Variants in ELMO1 observed in about 807,000 individuals in gnomAD.
ELMO1 encodes the protein engulfment and cell motility 1.
Under a neutral mutation model 98.9 loss-of-function variants are expected in ELMO1, and 26 were observed. That is an observed-to-expected ratio of 0.26 (90% CI 0.19 to 0.36). The LOEUF (loss-of-function observed/expected upper bound fraction) is 0.36. ELMO1 is among the 10% of genes least tolerant of loss of function. The pLI, the probability that ELMO1 is intolerant of heterozygous loss-of-function variation, is 1.00. For synonymous variants in ELMO1, 346 were observed against 346.0 expected (o/e 1.00, Z 0.00); for missense variants, 627 against 935.2 (o/e 0.67, Z 4.30).
chr7:37,417,600 C>T (rs991676191), intron 1 of ELMO1, among the ~76,000 whole-genome samples: 1 of 150,132 alleles, frequency 6.7e-6, no homozygotes, highest in African/African-American at 2.5e-5. Flanking sequence ...GGAGGCGGAG[C>T]TTGCAATGAG....
At chr7:37,409,576 G>A (rs1033218025) in intron 1 of ELMO1, among the ~76,000 whole-genome samples, 1 of 152,194 alleles carries the variant, frequency 6.6e-6, no homozygotes, top group South Asian at 2.1e-4. Flanking sequence ...GAAAGTTGAG[G>A]CTAATTGTTA....
chr7:37,078,839 A>G (rs1797716986), intron 15 of ELMO1, among the ~76,000 whole-genome samples: 1 of 152,182 alleles, frequency 6.6e-6, no homozygotes, highest in African/African-American at 2.4e-5. Flanking sequence ...TATTTTTGTT[A>G]TCGTGGATAG....
chr7:36,947,678 C>T (rs1055636844), intron 16 of ELMO1, among the ~76,000 whole-genome samples: 20 of 152,178 alleles, frequency 1.3e-4, no homozygotes, highest in Non-Finnish European at 1.3e-4. Context: ...CTGAACTCCA[C>T]AGCAATTTAT....
At chr7:37,048,005 A>T (rs1377407533) in intron 15 of ELMO1, among the ~76,000 whole-genome samples, 2 of 152,224 alleles carry the variant, frequency 1.3e-5, no homozygotes, top group Non-Finnish European at 2.9e-5. Flanking sequence ...CACTCTTATC[A>T]TAAATCATTG....
chr7:37,440,797 G>T (rs60536561), intron 1 of ELMO1, among the ~76,000 whole-genome samples: 4 of 151,380 alleles, frequency 2.6e-5, no homozygotes, highest in South Asian at 2.1e-4. Context: ...AGGAAACTGT[G>T]GGGTGGGGAG....
intron 6 of ELMO1, among the ~76,000 whole-genome samples, chr7:37,256,445 T>C (rs1795645944): frequency 6.7e-6 from 1 of 149,846 alleles, no homozygotes; most frequent in Non-Finnish European, 1.5e-5. Flanking sequence ...AGAAAAAAAA[T>C]GTTTTCACTA....
At chr7:36,953,541 GTT>G (rs1188402474) in intron 16 of ELMO1, among the ~76,000 whole-genome samples, 1 of 152,028 alleles carries the variant, frequency 6.6e-6, no homozygotes, top group East Asian at 1.9e-4. Context: ...CCTTTTAAAG[GTT>G]TTTCTAAGCA....
chr7:37,233,365 C>T (rs533900872), intron 7 of ELMO1, among the ~76,000 whole-genome samples, 171 bp from the exon 8 acceptor site: 2 of 151,242 alleles, frequency 1.3e-5, no homozygotes, highest in Admixed American at 6.6e-5. Context: ...AGGGGCAGGA[C>T]GGCCTTGATG....
chr7:37,160,000 G>A lies in ELMO1; in HGVS notation c.1087-26766C>T, dbSNP rs368830289. On this transcript the variant is annotated intron_variant, in intron 13 of 21. Transcript: ENST00000310758. ...ACAATCCACATTTTATTAATTAAAA[G>A]CACAATGAAACTAGTATCTGACTAT... 2.6e-5 allele frequency among the ~76,000 whole-genome samples: 4 copies of A among 152,020 alleles called. No homozygotes were observed. The South Asian group carries it at 6.2e-4, about 24-fold the overall frequency.
Position 37,400,761 on chromosome 7 carries a change from G to A in ELMO1, c.-74+47914C>T, listed in dbSNP as rs543373314. Among the ~76,000 whole-genome samples the A allele has an allele frequency of 2.6e-4, 40 of 152,180 alleles. 1 individual carries two copies. The South Asian group carries it at 7.9e-3, about 30-fold the overall frequency. On this transcript the variant is annotated intron_variant, in intron 1 of 21. Coordinates refer to ENST00000310758, the MANE Select transcript of ELMO1 (RefSeq NM_014800.11). ...CTGATGGCCATCTTCTTATCTCCCCGCTCCAGACCATCAACTTGACAAGGA... is the reference window on the plus strand; with the variant it reads ...CTGATGGCCATCTTCTTATCTCCCCACTCCAGACCATCAACTTGACAAGGA...
intron 7 of ELMO1, among the ~76,000 whole-genome samples, chr7:37,239,553 A>G (rs940941748): frequency 6.6e-6 from 1 of 152,222 alleles, no homozygotes. Context: ...TCCTCTGTGA[A>G]GCAGATGCTG....
intron 7 of ELMO1, among the ~76,000 whole-genome samples, chr7:37,239,170 AT>A (rs199908716): frequency 9.4e-5 from 14 of 148,948 alleles, no homozygotes; most frequent in African/African-American, 2.2e-4. Context: ...AATGATTTCA[AT>A]TTTTTTTTTT....
chr7:37,165,145 A>G (rs1199642661), intron 13 of ELMO1, among the ~76,000 whole-genome samples: 9 of 150,316 alleles, frequency 6.0e-5, no homozygotes, highest in Non-Finnish European at 1.2e-4. Context: ...TTCGTCTGTT[A>G]TTGGTATACA....
At chr7:37,056,813 TG>T (rs1422860159) in intron 15 of ELMO1, among the ~76,000 whole-genome samples, 1 of 152,156 alleles carries the variant, frequency 6.6e-6, no homozygotes, top group African/African-American at 2.4e-5. Flanking sequence ...GGGGATTTGG[TG>T]GTCAGAGTCC....
intron 4 of ELMO1, among the ~76,000 whole-genome samples, chr7:37,293,205 C>G (rs1328071977): frequency 8.1e-6 from 1 of 123,600 alleles, no homozygotes; most frequent in African/African-American, 2.7e-5. Context: ...GCCACCACCC[C>G]GTCTGGGAGG....
chr7:37,090,374 T>G (rs75112106), intron 15 of ELMO1, among the ~76,000 whole-genome samples: 8,564 of 152,286 alleles, frequency 0.056, 575 homozygotes, highest in African/African-American at 0.17. Flanking sequence ...AGCGTGTTAT[T>G]CCCATAACTG....
intron 2 of ELMO1, among the ~76,000 whole-genome samples, chr7:37,319,887 C>T (rs1799389352): frequency 2.0e-5 from 3 of 152,080 alleles, no homozygotes; most frequent in Non-Finnish European, 4.4e-5. Flanking sequence ...TCTCCAATCC[C>T]CATGTCAACT....
chr7:37,342,508 C>T lies in ELMO1; in HGVS notation c.78+105G>A. The T allele has an allele frequency of 1.7e-6, 2 of 1,179,856 alleles. No homozygotes were observed. The highest frequency in any genetic ancestry group is 2.5e-6 in the Non-Finnish European group (2 of 789,686). 73.1% of individuals were successfully genotyped at this position (1,179,856 alleles called of 1,614,324 possible). A position where few individuals can be genotyped will look rare whatever the true frequency, so the allele number is the denominator to read the frequency against. ...CTATTATTGCACAGATTTTTCAACA[C>T]AGCTAGAGAGAGAAAGGGAGAAGAG... is the stretch of plus-strand genomic sequence containing the variant. On this transcript the variant is annotated intron_variant, in intron 2 of 21. Coordinates refer to ENST00000310758, the MANE Select transcript of ELMO1 (RefSeq NM_014800.11). The surrounding 1 kb of genome is among the most constrained non-coding windows in gnomAD (Gnocchi z 4.3).
At chr7:36,859,294 T>A (rs202059484) in intron 21 of ELMO1, among the ~76,000 whole-genome samples, 2 of 152,206 alleles carry the variant, frequency 1.3e-5, no homozygotes, top group African/African-American at 4.8e-5. Flanking sequence ...ATTAATTTAT[T>A]TAAGTGTGAT....
Sources: allele counts gnomAD v4.1 joint callset (sites outside exome capture counted in the v4.1 genomes callset), GRCh38; gene constraint gnomAD v4.1.1; non-coding constraint Gnocchi (gnomAD v3.1); transcripts MANE v1.5; gene names NCBI Gene and HGNC (gene_info 2026-07-23, HGNC 2026-07-21).